The following PRKAR2B variants were observed in gnomAD, a reference collection of about 807,000 sequenced individuals.
PRKAR2B encodes the protein cAMP-dependent protein kinase type II-beta regulatory subunit.
A neutral mutation model predicts 49.9 loss-of-function variants in PRKAR2B; 14 were observed. The observed-to-expected ratio is 0.28, with a 90% confidence interval of 0.19 to 0.44. PRKAR2B has a LOEUF of 0.44. Ranked by LOEUF, PRKAR2B falls within the 20% of genes least tolerant of loss-of-function variation. The pLI is 1.00. For synonymous variants in PRKAR2B, 196 were observed against 197.7 expected (o/e 0.99, Z 0.07); for missense variants, 393 against 537.9 (o/e 0.73, Z 2.67).
chr7:107,045,986 CT>C (rs1478499914), intron 1 of PRKAR2B, among the ~76,000 whole-genome samples: 1 of 152,138 alleles, frequency 6.6e-6, no homozygotes, highest in Non-Finnish European at 1.5e-5. Context: ...GTTCTGAAAG[CT>C]TGTTGGTTGT....
In PRKAR2B at chr7:107,157,327, A is replaced by G. The variant is rs1796110668; in HGVS notation, c.1123+3A>G. ...CATTGGGACTGTCAAATGTTTAGGT[A>G]GGGATTGCAACAGTGGGCGTGCTTC... is the stretch of plus-strand genomic sequence containing the variant. On this transcript the variant is annotated splice_donor_region_variant and intron_variant, in intron 10 of 10. Transcript: ENST00000265717. The G allele has an allele frequency of 8.1e-6, 13 of 1,610,930 alleles. No homozygotes were observed. Among genetic ancestry groups the G allele is most frequent in the Non-Finnish European group, 1.0e-5 (12 of 1,178,674 alleles).
Position 107,061,068 on chromosome 7 carries a change from G to T in PRKAR2B, c.308-9213G>T, listed in dbSNP as rs139973058. Among the ~76,000 whole-genome samples the T allele has an allele frequency of 7.2e-5, 11 of 152,146 alleles. No homozygotes were observed. The East Asian group carries it at 2.1e-3, about 29-fold the overall frequency. ...TACAAATTTCCACATACATGTGAAT[G>T]TACTTCAAGCTTCTGTTCTGTTCTA... On this transcript the variant is annotated intron_variant, in intron 1 of 10. Transcript: ENST00000265717.
At chr7:107,057,055 C>G (rs1227455266) in intron 1 of PRKAR2B, among the ~76,000 whole-genome samples, 1 of 152,186 alleles carries the variant, frequency 6.6e-6, no homozygotes, top group African/African-American at 2.4e-5. Flanking sequence ...TTGCCCTGAA[C>G]CTGCTTTGTC....
At chr7:107,115,146 A>G (rs754762949) in intron 2 of PRKAR2B, among the ~76,000 whole-genome samples, 3 of 152,206 alleles carry the variant, frequency 2.0e-5, no homozygotes, top group Non-Finnish European at 2.9e-5. Flanking sequence ...ACAGTTTTAT[A>G]GAGAACTAGA....
At chr7:107,081,136 G>C (rs983213088) in intron 2 of PRKAR2B, among the ~76,000 whole-genome samples, 1 of 151,924 alleles carries the variant, frequency 6.6e-6, no homozygotes, top group African/African-American at 2.4e-5. Flanking sequence ...AATATTAATT[G>C]GCCAAAGTGC....
intron 5 of PRKAR2B, among the ~76,000 whole-genome samples, chr7:107,143,950 A>C (rs57687942): frequency 0.014 from 2,160 of 152,280 alleles, 54 homozygotes; most frequent in African/African-American, 0.049. Flanking sequence ...GATGAGGGAA[A>C]CTAACCCTGT....
intron 2 of PRKAR2B, among the ~76,000 whole-genome samples, chr7:107,086,808 C>T: frequency 6.6e-6 from 1 of 152,094 alleles, no homozygotes; most frequent in East Asian, 1.9e-4. Flanking sequence ...ACTTCGTAAA[C>T]ATAATGATAT....
At chr7:107,142,582 A>G (rs1158495903) in intron 5 of PRKAR2B, among the ~76,000 whole-genome samples, 1 of 152,110 alleles carries the variant, frequency 6.6e-6, no homozygotes, top group Non-Finnish European at 1.5e-5. Context: ...CATTTGGTAG[A>G]TGAGAACATG....
intron 2 of PRKAR2B, chr7:107,082,055 C>T (rs1562850580): frequency 6.6e-6 from 1 of 152,114 alleles, no homozygotes; most frequent in Non-Finnish European, 1.5e-5. Context: ...GCTTACCAGA[C>T]GTGCTGAGTT....
At chr7:107,154,996 T>G (rs181749634) in intron 8 of PRKAR2B, among the ~76,000 whole-genome samples, 2 of 152,316 alleles carry the variant, frequency 1.3e-5, no homozygotes, top group East Asian at 3.9e-4. Context: ...TTTCTGCTCT[T>G]TGCAAGTTGA....
chr7:107,109,560 C>G (rs553484508), intron 2 of PRKAR2B, among the ~76,000 whole-genome samples: 1 of 152,196 alleles, frequency 6.6e-6, no homozygotes, highest in South Asian at 2.1e-4. Context: ...CTGTGCTTGG[C>G]CTACATTCTG....
At chr7:107,137,991 T>A (rs1562868264) in intron 4 of PRKAR2B, among the ~76,000 whole-genome samples, 1 of 152,066 alleles carries the variant, frequency 6.6e-6, no homozygotes, top group Non-Finnish European at 1.5e-5. Context: ...AGACCAAAAT[T>A]TTCTTTGGGT....
intron 8 of PRKAR2B, among the ~76,000 whole-genome samples, chr7:107,156,601 C>T (rs553616867): frequency 6.6e-6 from 1 of 151,998 alleles, no homozygotes; most frequent in African/African-American, 2.4e-5. Flanking sequence ...GTCAGGAGAT[C>T]AAGACCATCC....
intron 2 of PRKAR2B, among the ~76,000 whole-genome samples, chr7:107,111,457 A>G (rs1024943255): frequency 2.6e-5 from 4 of 152,180 alleles, no homozygotes; most frequent in African/African-American, 7.2e-5. Context: ...GTGAGATCCC[A>G]GTGCCAGCTT....
chr7:107,141,778 C>G (rs989079623), intron 5 of PRKAR2B, among the ~76,000 whole-genome samples: 4 of 152,244 alleles, frequency 2.6e-5, no homozygotes, highest in African/African-American at 9.6e-5. Context: ...CTTCCTACTG[C>G]TTTAACATCA....
intron 1 of PRKAR2B, among the ~76,000 whole-genome samples, chr7:107,056,769 A>C (rs1297806143): frequency 6.6e-6 from 1 of 152,224 alleles, no homozygotes; most frequent in African/African-American, 2.4e-5. Flanking sequence ...GTTTTACATT[A>C]CTGTATTTTA....
chr7:107,100,257 A>G (rs1748677732), intron 2 of PRKAR2B, among the ~76,000 whole-genome samples: 1 of 152,146 alleles, frequency 6.6e-6, no homozygotes, highest in South Asian at 2.1e-4. Flanking sequence ...TCATTAAAAG[A>G]TAGTTTGGCT....
At chr7:107,057,528 T>A (rs764000535) in intron 1 of PRKAR2B, among the ~76,000 whole-genome samples, 7 of 152,174 alleles carry the variant, frequency 4.6e-5, no homozygotes, top group Non-Finnish European at 1.0e-4. Context: ...ATGTGAAACA[T>A]CTGAAATAGT....
chr7:107,051,201 TTC>T, intron 1 of PRKAR2B, among the ~76,000 whole-genome samples: 1 of 152,362 alleles, frequency 6.6e-6, no homozygotes, highest in African/African-American at 2.4e-5. Flanking sequence ...TATGAATTTT[TTC>T]TGTCTTCCAT....
Sources: allele counts gnomAD v4.1 joint callset (sites outside exome capture counted in the v4.1 genomes callset), GRCh38; gene constraint gnomAD v4.1.1; transcripts MANE v1.5; gene names NCBI Gene and HGNC (gene_info 2026-07-23, HGNC 2026-07-21).